The following UBAC2 variants were observed in gnomAD, a reference collection of about 807,000 sequenced individuals.
UBAC2 encodes ubiquitin-associated domain-containing protein 2.
A neutral mutation model predicts 44.0 loss-of-function variants in UBAC2; 26 were observed. The observed-to-expected ratio is 0.59, with a 90% CI of 0.43 to 0.82. The LOEUF (loss-of-function observed/expected upper bound fraction) is 0.82, where lower values mean the gene tolerates loss of function less well. Among genes scored for constraint, UBAC2 ranks in the 40% least tolerant of loss-of-function variants. UBAC2 has a pLI of 0.00. For missense variants in UBAC2, 329 were observed against 419.4 expected (o/e 0.78, Z 1.88); for synonymous variants, 155 against 154.3 (o/e 1.00, Z -0.04).
At chr13:99,345,730 T>G (rs997108273) in intron 7 of UBAC2, among the ~76,000 whole-genome samples, 1 of 136,510 alleles carries the variant, frequency 7.3e-6, no homozygotes, top group African/African-American at 2.5e-5. Context: ...GTACTGTTTC[T>G]TTTTTTCTTT....
chr13:99,383,406 T>A (rs1157803534), intron 8 of UBAC2, among the ~76,000 whole-genome samples: 1 of 151,094 alleles, frequency 6.6e-6, no homozygotes, highest in Non-Finnish European at 1.5e-5. Flanking sequence ...TTGTTTTTTG[T>A]TTTTTTTATC....
At chr13:99,344,218 G>A (rs1405443392) in intron 7 of UBAC2, among the ~76,000 whole-genome samples, 1 of 152,204 alleles carries the variant, frequency 6.6e-6, no homozygotes, top group Non-Finnish European at 1.5e-5. Context: ...TTGTCCAGGG[G>A]CATGCAGCTG....
rs533194666 is a variant in UBAC2 at position 99,358,199 on chromosome 13, A to G, written c.808-9588A>G. On this transcript the variant is annotated intron_variant, in intron 7 of 8. Coordinates refer to ENST00000403766, the MANE Select transcript of UBAC2 (RefSeq NM_001144072.2). ...TCCAGTGGCAGACAGGAGTCTGGTA[A>G]GCCCAGGTAAGAAATTTCTGTCGGA... Among the ~76,000 whole-genome samples, 5 of 152,318 alleles carry G rather than the reference A, an allele frequency of 3.3e-5. No individual in the cohort carries two copies. The East Asian group carries it at 9.7e-4, about 29-fold the overall frequency.
chr13:99,216,082 TTGTGTGTG>T (rs3031384), intron 1 of UBAC2, among the ~76,000 whole-genome samples: 20,263 of 148,792 alleles, frequency 0.14, 1,592 homozygotes, highest in East Asian at 0.31. Context: ...CAACCTATAT[TTGTGTGTG>T]TGTGTGTGTG....
At chr13:99,222,663 T>C (rs969991149) in intron 1 of UBAC2, among the ~76,000 whole-genome samples, 1 of 152,252 alleles carries the variant, frequency 6.6e-6, no homozygotes, top group Non-Finnish European at 1.5e-5. Flanking sequence ...GTTGATATGG[T>C]AAATTACATT....
At chr13:99,223,880 T>G (rs2043080785) in intron 1 of UBAC2, among the ~76,000 whole-genome samples, 1 of 152,204 alleles carries the variant, frequency 6.6e-6, no homozygotes, top group African/African-American at 2.4e-5. Context: ...TAAATTTTTT[T>G]GAGGACTCTT....
intron 7 of UBAC2, among the ~76,000 whole-genome samples, chr13:99,343,198 G>T (rs977638511): frequency 5.9e-5 from 9 of 152,230 alleles, no homozygotes; most frequent in Admixed American, 5.9e-4. Context: ...AACTTGGTGG[G>T]TCTCCACTGC....
intron 7 of UBAC2, among the ~76,000 whole-genome samples, chr13:99,358,221 C>G (rs542781362): frequency 2.0e-5 from 3 of 152,226 alleles, no homozygotes; most frequent in East Asian, 1.9e-4. Context: ...AAATTTCTGT[C>G]GGATTCTGAA....
chr13:99,316,084 G>T (rs2044485100), intron 5 of UBAC2, among the ~76,000 whole-genome samples: 1 of 151,948 alleles, frequency 6.6e-6, no homozygotes. Flanking sequence ...AACTACCACG[G>T]ATAGTTTTTC....
chr13:99,246,345 G>GT (rs1170045256), intron 4 of UBAC2, among the ~76,000 whole-genome samples: 1 of 152,222 alleles, frequency 6.6e-6, no homozygotes, highest in Non-Finnish European at 1.5e-5. Context: ...AGAAGTTAAA[G>GT]TTGAGTATTC....
intron 1 of UBAC2, among the ~76,000 whole-genome samples, chr13:99,213,452 C>T (rs1349919832): frequency 6.6e-6 from 1 of 151,012 alleles, no homozygotes; most frequent in East Asian, 2.0e-4. Flanking sequence ...CTGCTGCCTC[C>T]CGGGTTCAAG....
chr13:99,382,351 G>T (rs934025350), intron 8 of UBAC2, among the ~76,000 whole-genome samples: 1 of 152,242 alleles, frequency 6.6e-6, no homozygotes, highest in Non-Finnish European at 1.5e-5. Flanking sequence ...AGCATTTTAT[G>T]TGAAAATTCC....
chr13:99,217,307 C>T (rs891347283), intron 1 of UBAC2, among the ~76,000 whole-genome samples: 2 of 152,166 alleles, frequency 1.3e-5, no homozygotes, highest in Non-Finnish European at 2.9e-5. Flanking sequence ...TTTTTCTGCT[C>T]GGATCTCTTA....
At chr13:99,374,336 T>G (rs1047950204) in intron 8 of UBAC2, among the ~76,000 whole-genome samples, 1 of 152,238 alleles carries the variant, frequency 6.6e-6, no homozygotes, top group Non-Finnish European at 1.5e-5. Flanking sequence ...GTCTGCTTCC[T>G]TAAAGTTTCA....
chr13:99,321,485 A>G (rs956048939), intron 6 of UBAC2, among the ~76,000 whole-genome samples: 1 of 151,868 alleles, frequency 6.6e-6, no homozygotes, highest in Non-Finnish European at 1.5e-5. Context: ...CTTTTTTTGT[A>G]TTTTTAGTAG....
chr13:99,284,246 G>C (rs1054085791), intron 4 of UBAC2, among the ~76,000 whole-genome samples: 2 of 152,202 alleles, frequency 1.3e-5, no homozygotes, highest in Admixed American at 6.5e-5. Context: ...GTTCCAATTG[G>C]GGGGAAGTGC....
chr13:99,346,298 C>T (rs1038444732), intron 7 of UBAC2, among the ~76,000 whole-genome samples: 5 of 152,174 alleles, frequency 3.3e-5, no homozygotes, highest in African/African-American at 1.2e-4. Flanking sequence ...CTCCCATCTC[C>T]ATCACCGACT....
At chr13:99,237,858 G>A (rs545934228) in intron 1 of UBAC2, among the ~76,000 whole-genome samples, 1 of 152,198 alleles carries the variant, frequency 6.6e-6, no homozygotes, top group Admixed American at 6.5e-5. Flanking sequence ...AGGAGGCTGA[G>A]GCAGGAGAAT....
At chr13:99,236,155 T>C (rs565160052) in intron 1 of UBAC2, among the ~76,000 whole-genome samples, 1 of 152,294 alleles carries the variant, frequency 6.6e-6, no homozygotes, top group East Asian at 1.9e-4. Context: ...CAAAGACTTT[T>C]TGTGTAAGAT....
Sources: gnomAD v4.1 joint callset for allele counts (sites outside exome capture counted in the v4.1 genomes callset) on GRCh38, gnomAD v4.1.1 for gene constraint, MANE v1.5 for transcripts, NCBI Gene and HGNC (gene_info 2026-07-23, HGNC 2026-07-21) for gene names.